The following WDR20 variants were observed in gnomAD, a reference collection of about 807,000 sequenced individuals.
The protein encoded by WDR20 is WD repeat-containing protein 20.
In WDR20, 3 loss-of-function variants were observed where a neutral mutation model predicts 38.7. The ratio of observed to expected loss-of-function variants is 0.08; its 90% CI spans 0.04 to 0.20. WDR20 has a LOEUF of 0.20. Among genes scored for constraint, WDR20 ranks in the 10% least tolerant of loss-of-function variants. The pLI is 1.00. For missense variants in WDR20, 559 were observed against 727.7 expected (o/e 0.77, Z 2.67); for synonymous variants, 298 against 285.6 (o/e 1.04, Z -0.44).
At chr14:102,162,050 A>G (rs1040054092) in intron 1 of WDR20, among the ~76,000 whole-genome samples, 3 of 152,174 alleles carry the variant, frequency 2.0e-5, no homozygotes, top group African/African-American at 4.8e-5. Flanking sequence ...TCTGGAGACT[A>G]CTTTGGAGTT....
chr14:102,210,042 A>C lies in WDR20; in HGVS notation c.*162A>C. On this transcript the variant is annotated 3_prime_UTR_variant, in exon 3 of 3. Coordinates refer to ENST00000342702, the MANE Select transcript of WDR20 (RefSeq NM_144574.4). ...ACTGCATGCCATGTAATTCTGAATC[A>C]TTTGATAATTTACCTTAGAGCATTT... 1.4e-6 allele frequency: 2 copies of C among 1,407,514 alleles called. No individual in the cohort carries two copies. Among genetic ancestry groups the C allele is most frequent in the East Asian group, 5.1e-5 (2 of 38,910 alleles). 87.2% of individuals were successfully genotyped at this position (1,407,514 alleles called of 1,614,324 possible).
At chr14:102,159,687 A>C (rs2058218875) in intron 1 of WDR20, among the ~76,000 whole-genome samples, 1 of 152,034 alleles carries the variant, frequency 6.6e-6, no homozygotes, top group African/African-American at 2.4e-5. Context: ...TGAAAAGATC[A>C]ACGAGGAGTG....
At chr14:102,204,818 GCATT>G (rs771348301) in intron 2 of WDR20, among the ~76,000 whole-genome samples, 19 of 152,210 alleles carry the variant, frequency 1.2e-4, no homozygotes, top group Non-Finnish European at 2.2e-4. Flanking sequence ...GTGTGCAAGG[GCATT>G]CATTGCTACA....
upstream of WDR20, chr14:102,139,672 C>A (rs2050215570): frequency 3.1e-6 from 2 of 655,700 alleles, no homozygotes; most frequent in Non-Finnish European, 5.1e-6. Context: ...GCCATGCCGC[C>A]CGGAGGCCAC....
At chr14:102,203,552 C>G (rs1164968885) in intron 2 of WDR20, among the ~76,000 whole-genome samples, 2 of 152,138 alleles carry the variant, frequency 1.3e-5, no homozygotes, top group Non-Finnish European at 2.9e-5. Flanking sequence ...CCAAATTCCC[C>G]TCCCAGCTCA....
rs149470238 is a variant in WDR20, at chr14:102,203,569, G to A, written c.433-5034G>A. ...AAATTCCCCTCCCAGCTCATGTGCT[G>A]CGATCAAGACAGATGCCACACATGG... On this transcript the variant is annotated intron_variant, in intron 2 of 2. Coordinates refer to ENST00000342702, the MANE Select transcript of WDR20 (RefSeq NM_144574.4). 1.3e-4 allele frequency among the ~76,000 whole-genome samples: 20 copies of A among 152,262 alleles called. No homozygotes were observed. The East Asian group carries it at 3.9e-3, about 29-fold the overall frequency.
chr14:102,203,407 G>A (rs991009429), intron 2 of WDR20, among the ~76,000 whole-genome samples: 10 of 152,246 alleles, frequency 6.6e-5, no homozygotes, highest in African/African-American at 2.2e-4. Flanking sequence ...AACCCTGTGT[G>A]TGTTTACACT....
chr14:102,153,251 G>A (rs1051250780), intron 1 of WDR20, among the ~76,000 whole-genome samples: 2 of 151,864 alleles, frequency 1.3e-5, no homozygotes, highest in East Asian at 1.9e-4. Context: ...CTGAGTAGAT[G>A]GCAGCACTAT....
At chr14:102,193,392 TTTTGTATCATGC>T in intron 1 of WDR20, 3 of 1,511,360 alleles carry the variant, frequency 2.0e-6, no homozygotes, top group Non-Finnish European at 2.7e-6. Flanking sequence ...CTCCCTTTTG[TTTTGTATCATGC>T]TTTGTATTAC....
At chr14:102,183,840 A>G (rs770507915) in intron 1 of WDR20, among the ~76,000 whole-genome samples, 6 of 152,366 alleles carry the variant, frequency 3.9e-5, no homozygotes, top group Admixed American at 1.3e-4. Context: ...CAAAGGTTAG[A>G]ACAACAACAG....
intron 2 of WDR20, among the ~76,000 whole-genome samples, chr14:102,200,461 T>G (rs2060119190): frequency 2.0e-5 from 2 of 100,678 alleles, no homozygotes; most frequent in Non-Finnish European, 4.1e-5. Context: ...TTTTAAATTT[T>G]TTTTTTTGTG....
intron 1 of WDR20, among the ~76,000 whole-genome samples, chr14:102,185,543 T>C (rs762155830): frequency 1.1e-4 from 16 of 152,078 alleles, no homozygotes; most frequent in Non-Finnish European, 1.9e-4. Flanking sequence ...TACCACTGGG[T>C]TCCTCTGGGC....
intron 1 of WDR20, among the ~76,000 whole-genome samples, chr14:102,191,570 G>A (rs1367789094): frequency 2.6e-5 from 4 of 152,120 alleles, no homozygotes; most frequent in Admixed American, 6.5e-5. Context: ...ATCTGGGGTG[G>A]GGCTCCAAAA....
intron 1 of WDR20, among the ~76,000 whole-genome samples, chr14:102,169,126 T>G (rs2060332619): frequency 6.6e-6 from 1 of 152,152 alleles, no homozygotes; most frequent in African/African-American, 2.4e-5. Flanking sequence ...GAAGAGCAGC[T>G]GCACCCCTCC....
At chr14:102,164,339 C>T (rs1333747498) in intron 1 of WDR20, among the ~76,000 whole-genome samples, 1 of 140,050 alleles carries the variant, frequency 7.1e-6, no homozygotes, top group Non-Finnish European at 1.5e-5. Flanking sequence ...GTGGTTTCAT[C>T]TTCATCACAT....
chr14:102,173,267 C>A (rs2152835567), intron 1 of WDR20, among the ~76,000 whole-genome samples: 1 of 151,102 alleles, frequency 6.6e-6, no homozygotes, highest in African/African-American at 2.4e-5. Flanking sequence ...CTTGTGCCAC[C>A]ATGCCTGGCC....
intron 1 of WDR20, among the ~76,000 whole-genome samples, chr14:102,183,795 G>T (rs1196780984): frequency 6.6e-6 from 1 of 151,694 alleles, no homozygotes; most frequent in East Asian, 2.0e-4. Flanking sequence ...AATCATTTAT[G>T]TGCTCTGCTG....
chr14:102,194,389 C>CT (rs1181199719), intron 1 of WDR20, among the ~76,000 whole-genome samples: 1 of 152,196 alleles, frequency 6.6e-6, no homozygotes, highest in Non-Finnish European at 1.5e-5. Flanking sequence ...CTCTTTACGA[C>CT]TTGCTGGCCC....
downstream of WDR20, among the ~76,000 whole-genome samples, chr14:102,210,877 G>A (rs2062423775): frequency 6.6e-6 from 1 of 152,188 alleles, no homozygotes; most frequent in African/African-American, 2.4e-5. Context: ...GTCCCCCGCA[G>A]AGGAAGCGGA....
Sources: allele counts gnomAD v4.1 joint callset (sites outside exome capture counted in the v4.1 genomes callset), GRCh38; gene constraint gnomAD v4.1.1; transcripts MANE v1.5; gene names NCBI Gene and HGNC (gene_info 2026-07-23, HGNC 2026-07-21).